PITPNC1: variants seen among roughly 807,000 people sequenced by gnomAD.
PITPNC1 encodes cytoplasmic phosphatidylinositol transfer protein 1.
Under a neutral mutation model 44.7 loss-of-function variants are expected in PITPNC1, and 18 were observed. The ratio of observed to expected loss-of-function variants is 0.40; its 90% CI spans 0.28 to 0.60. PITPNC1 has a LOEUF of 0.60. Ranked by LOEUF, PITPNC1 falls within the 20% of genes least tolerant of loss-of-function variation. The pLI, the probability that PITPNC1 is intolerant of heterozygous loss-of-function variation, is 0.39. For missense variants in PITPNC1, 290 were observed against 418.4 expected, an observed-to-expected ratio of 0.69 and a Z score of 2.68; for synonymous variants, 141 against 149.6, an observed-to-expected ratio of 0.94 and a Z score of 0.42.
intron 1 of PITPNC1, among the ~76,000 whole-genome samples, chr17:67,442,272 G>A (rs1310227029): frequency 7.9e-6 from 1 of 125,810 alleles, no homozygotes; most frequent in Non-Finnish European, 1.6e-5. Context: ...CTCCCATATT[G>A]TGGACCAAGT....
chr17:67,426,627 A>G (rs2038770198), intron 1 of PITPNC1, among the ~76,000 whole-genome samples: 1 of 151,208 alleles, frequency 6.6e-6, no homozygotes, highest in Admixed American at 6.6e-5. Flanking sequence ...GGGCGAGGGG[A>G]GGGATTTAGA....
At chr17:67,647,063 G>A (rs949359438) in intron 6 of PITPNC1, among the ~76,000 whole-genome samples, 5 of 152,042 alleles carry the variant, frequency 3.3e-5, no homozygotes, top group South Asian at 4.2e-4. Context: ...TCCCAACCCC[G>A]AGTCTCAGTG....
At chr17:67,533,005 G>C in intron 2 of PITPNC1, 55 bp downstream of exon 2, 1 of 1,469,222 alleles carries the variant, frequency 6.8e-7, no homozygotes, top group Non-Finnish European at 9.3e-7. Context: ...CTGACCCCAT[G>C]GTGTGACAGT....
intron 1 of PITPNC1, among the ~76,000 whole-genome samples, chr17:67,446,714 A>ATGG (rs2039101458): frequency 6.6e-6 from 1 of 151,814 alleles, no homozygotes; most frequent in African/African-American, 2.4e-5. Flanking sequence ...GGTCCATTGA[A>ATGG]TGGTGGGTTT....
intron 1 of PITPNC1, among the ~76,000 whole-genome samples, chr17:67,494,111 T>C (rs892454134): frequency 1.3e-5 from 2 of 151,382 alleles, no homozygotes; most frequent in African/African-American, 4.8e-5. Context: ...TGAGATCTTA[T>C]GGTACATGTT....
At chr17:67,662,070 A>G (rs1386008601) in intron 6 of PITPNC1, among the ~76,000 whole-genome samples, 1 of 152,060 alleles carries the variant, frequency 6.6e-6, no homozygotes, top group Non-Finnish European at 1.5e-5. Flanking sequence ...TGCCCTGAAA[A>G]ACCCACCGAC....
At chr17:67,458,653 A>G (rs575889343) in intron 1 of PITPNC1, among the ~76,000 whole-genome samples, 101 of 152,096 alleles carry the variant, frequency 6.6e-4, no homozygotes, top group Non-Finnish European at 1.2e-3. Flanking sequence ...TATCATTCCA[A>G]GTTCCCTGGA....
At chr17:67,433,423 C>T (rs1356306258) in intron 1 of PITPNC1, among the ~76,000 whole-genome samples, 1 of 152,272 alleles carries the variant, frequency 6.6e-6, no homozygotes, top group Non-Finnish European at 1.5e-5. Flanking sequence ...GGAGGGCAAG[C>T]CAGCCCCGGG....
intron 5 of PITPNC1, among the ~76,000 whole-genome samples, chr17:67,585,622 G>A (rs917726341): frequency 2.6e-5 from 4 of 152,040 alleles, no homozygotes; most frequent in African/African-American, 4.8e-5. Flanking sequence ...GAGCAACGTG[G>A]CAAAACCCCA....
chr17:67,397,915 A>T (rs2143813998), intron 1 of PITPNC1, among the ~76,000 whole-genome samples: 1 of 152,220 alleles, frequency 6.6e-6, no homozygotes, highest in Admixed American at 6.5e-5. Context: ...CACATGGTGA[A>T]ACCCTGTCTC....
At chr17:67,616,233 C>T (rs1286340105) in intron 5 of PITPNC1, among the ~76,000 whole-genome samples, 5 of 152,042 alleles carry the variant, frequency 3.3e-5, no homozygotes, top group East Asian at 3.9e-4. Context: ...CTCAGCCTCC[C>T]GGGTTCAAGC....
chr17:67,403,064 A>G (rs1036941228), intron 1 of PITPNC1, among the ~76,000 whole-genome samples: 2 of 152,042 alleles, frequency 1.3e-5, no homozygotes, highest in South Asian at 2.1e-4. Flanking sequence ...GTCTTTCTCT[A>G]AGTCACTGAC....
At chr17:67,668,204 G>T (rs1012969891) in intron 6 of PITPNC1, among the ~76,000 whole-genome samples, 4 of 152,028 alleles carry the variant, frequency 2.6e-5, no homozygotes, top group Non-Finnish European at 5.9e-5. Context: ...AGTTTTGCTT[G>T]TTCTTGAACT....
chr17:67,427,532 C>CCTCCTCGGA (rs545584032), intron 1 of PITPNC1, among the ~76,000 whole-genome samples: 6 of 152,092 alleles, frequency 3.9e-5, no homozygotes, highest in East Asian at 1.9e-4. Flanking sequence ...ACTATGAAAA[C>CCTCCTCGGA]CTCCTCGGAC....
Position 67,510,296 on chromosome 17 carries a change from C to T in PITPNC1, c.49-22506C>T, listed in dbSNP as rs192947334. On this transcript the variant is annotated intron_variant, in intron 1 of 8. Transcript: ENST00000581322. ...CTGTCTGCAGATCTGGGAATCAGAGCCCCCTCTGGCTTCTTTGGCCACCAT... is the reference window on the plus strand; with the variant it reads ...CTGTCTGCAGATCTGGGAATCAGAGTCCCCTCTGGCTTCTTTGGCCACCAT... 1.7e-4 allele frequency among the ~76,000 whole-genome samples: 26 copies of T among 152,360 alleles called. No individual in the cohort carries two copies. In the East Asian group the frequency reaches 4.6e-3, roughly 27 times the overall value.
chr17:67,402,848 G>A (rs1029858131), intron 1 of PITPNC1, among the ~76,000 whole-genome samples: 1 of 152,042 alleles, frequency 6.6e-6, no homozygotes, highest in East Asian at 1.9e-4. Flanking sequence ...TGTGTTTTTA[G>A]TAGAGACAGA....
chr17:67,620,737 A>G (rs2041819206), intron 5 of PITPNC1, among the ~76,000 whole-genome samples: 1 of 152,216 alleles, frequency 6.6e-6, no homozygotes, highest in Non-Finnish European at 1.5e-5. Context: ...GATCCGGCCT[A>G]ACCCTGATGG....
At chr17:67,618,364 CAAAAAAA>C (rs11417487) in intron 5 of PITPNC1, among the ~76,000 whole-genome samples, 1 of 76,874 alleles carries the variant, frequency 1.3e-5, no homozygotes, top group Non-Finnish European at 2.4e-5. Context: ...GACTCCGTCT[CAAAAAAA>C]AAAAAAAAAA....
intron 1 of PITPNC1, among the ~76,000 whole-genome samples, chr17:67,442,992 G>C (rs562395390): frequency 6.6e-6 from 1 of 151,978 alleles, no homozygotes; most frequent in African/African-American, 2.4e-5. Context: ...AAAAGTCCCC[G>C]CGGGCTCTGA....
Sources: gnomAD v4.1 joint callset for allele counts (sites outside exome capture counted in the v4.1 genomes callset) on GRCh38, gnomAD v4.1.1 for gene constraint, MANE v1.5 for transcripts, NCBI Gene and HGNC (gene_info 2026-07-23, HGNC 2026-07-21) for gene names.